CYP2C8: variants seen among roughly 807,000 people sequenced by gnomAD.
CYP2C8 encodes the protein cytochrome P450 family 2 subfamily C member 8.
In CYP2C8, 51 loss-of-function variants were observed where a neutral mutation model predicts 41.3. That is an observed-to-expected ratio of 1.24 (90% CI 0.99 to 1.56). CYP2C8 has a LOEUF of 1.56. CYP2C8 is among the 40% of genes most tolerant of loss of function. CYP2C8 has a pLI of 0.00. For missense variants in CYP2C8, 651 were observed against 579.9 expected (o/e 1.12, Z -1.26); for synonymous variants, 218 against 205.8 (o/e 1.06, Z -0.51).
At position 95,045,970 on chromosome 10, in the gene CYP2C8, A is replaced by G. The variant is rs780191052; in HGVS notation, c.820-19T>C. The G allele has an allele frequency of 1.2e-6, 2 of 1,613,596 alleles. No individual in the cohort carries two copies. Among genetic ancestry groups the G allele is most frequent in the Non-Finnish European group, 1.7e-6 (2 of 1,179,586 alleles). On this transcript the variant is annotated intron_variant, in intron 5 of 8. Transcript: ENST00000371270. ...CCTTTTCCTAGAAGTGATTTCATGC[A>G]ATTATCTGACAAATTATGTGCCAGT...
At chr10:95,054,598 A>G (rs1289970062) in intron 5 of CYP2C8, among the ~76,000 whole-genome samples, 1 of 152,152 alleles carries the variant, frequency 6.6e-6, no homozygotes, top group African/African-American at 2.4e-5. Flanking sequence ...GCATTTAGGT[A>G]AGAAAGGAAG....
chr10:95,043,879 C>CACAT (rs151042096), intron 6 of CYP2C8, among the ~76,000 whole-genome samples: 17 of 151,752 alleles, frequency 1.1e-4, no homozygotes, highest in African/African-American at 3.1e-4. Flanking sequence ...CACACACACA[C>CACAT]ACACACACAT....
chr10:95,056,089 T>C (rs1370151777), intron 5 of CYP2C8, among the ~76,000 whole-genome samples: 1 of 151,768 alleles, frequency 6.6e-6, no homozygotes, highest in African/African-American at 2.4e-5. Context: ...AGAGGCCTTG[T>C]CTCCAAAATA....
At chr10:95,063,029 C>A (rs1279132091) in intron 4 of CYP2C8, among the ~76,000 whole-genome samples, 1 of 152,160 alleles carries the variant, frequency 6.6e-6, no homozygotes, top group Non-Finnish European at 1.5e-5. Flanking sequence ...GATGGGCTTC[C>A]CTTTGTGGGT....
intron 4 of CYP2C8, among the ~76,000 whole-genome samples, chr10:95,064,413 T>C (rs2033513276): frequency 6.6e-6 from 1 of 152,200 alleles, no homozygotes; most frequent in South Asian, 2.1e-4. Context: ...TTCGTGGGCA[T>C]GGGACCCTCC....
intron 7 of CYP2C8, among the ~76,000 whole-genome samples, chr10:95,041,456 G>A (rs1054396264): frequency 1.3e-5 from 2 of 152,192 alleles, no homozygotes; most frequent in Non-Finnish European, 2.9e-5. Flanking sequence ...TTGTCTTTTA[G>A]AACAGCCAGA....
At chr10:95,068,559 G>A (rs527519359) in intron 1 of CYP2C8, 1 of 1,273,752 alleles carries the variant, frequency 7.9e-7, no homozygotes, top group South Asian at 1.2e-5. Flanking sequence ...CTATAGTAGA[G>A]AACTTATTGG....
intron 3 of CYP2C8, 131 bp from the exon 4 acceptor site, chr10:95,065,091 A>T (rs2033532196): frequency 1.3e-6 from 1 of 787,436 alleles, no homozygotes; most frequent in South Asian, 4.3e-5. Flanking sequence ...TCCAAAAAAA[A>T]TCAGCATGGA....
chr10:95,055,103 C>T (rs553074872), intron 5 of CYP2C8, among the ~76,000 whole-genome samples: 2 of 152,162 alleles, frequency 1.3e-5, no homozygotes, highest in South Asian at 4.1e-4. Flanking sequence ...TTCCAATGTC[C>T]TTTTTAAAAT....
chr10:95,055,638 G>C (rs1391965570), intron 5 of CYP2C8, among the ~76,000 whole-genome samples: 1 of 152,136 alleles, frequency 6.6e-6, no homozygotes, highest in Non-Finnish European at 1.5e-5. Flanking sequence ...AAATTAAAAT[G>C]TTTGTTCATC....
intron 5 of CYP2C8, among the ~76,000 whole-genome samples, chr10:95,056,716 A>G (rs1375795361): frequency 6.6e-6 from 1 of 152,216 alleles, no homozygotes; most frequent in Non-Finnish European, 1.5e-5. Flanking sequence ...ATAGTTGATT[A>G]ATGTTTACTA....
chr10:95,039,144 T>C, intron 7 of CYP2C8, 106 bp from the exon 8 acceptor site: 1 of 1,042,382 alleles, frequency 9.6e-7, no homozygotes, highest in Non-Finnish European at 1.5e-6. Flanking sequence ...ATGAGGAAAC[T>C]CAGGTCCAGC....
In CYP2C8 at chr10:95,036,952, A is replaced by G; in HGVS notation, c.*176T>C. 1.5e-6 allele frequency: 1 copy of G among 675,386 alleles called. No individual in the cohort carries two copies. 41.8% of individuals were successfully genotyped at this position (675,386 alleles called of 1,614,324 possible). On this transcript the variant is annotated 3_prime_UTR_variant, in exon 9 of 9. Transcript: ENST00000371270. ...TGTTACAGAGTATGAATAATTGCAGATATATTTGTGCAGTGACCTGAACAA... is the reference window on the plus strand; with the variant it reads ...TGTTACAGAGTATGAATAATTGCAGGTATATTTGTGCAGTGACCTGAACAA...
chr10:95,059,841 C>T (rs1422270916), intron 4 of CYP2C8, among the ~76,000 whole-genome samples: 1 of 152,172 alleles, frequency 6.6e-6, no homozygotes, highest in Non-Finnish European at 1.5e-5. Flanking sequence ...GGAAGGGATC[C>T]AGTTTCAGCT....
intron 3 of CYP2C8, among the ~76,000 whole-genome samples, chr10:95,066,153 AGTGTGTGTGTGT>A (rs113983526): frequency 0.016 from 1,376 of 88,182 alleles, 7 homozygotes; most frequent in Admixed American, 0.029. Context: ...AGAGAGAGAG[AGTGTGTGTGTGT>A]GTGTGTGTGT....
At chr10:95,060,592 G>A (rs908269853) in intron 4 of CYP2C8, among the ~76,000 whole-genome samples, 1 of 152,168 alleles carries the variant, frequency 6.6e-6, no homozygotes, top group Non-Finnish European at 1.5e-5. Context: ...TCTGCAAACA[G>A]GGACAATTTG....
intron 4 of CYP2C8, among the ~76,000 whole-genome samples, chr10:95,062,331 G>A (rs994400544): frequency 6.6e-6 from 1 of 152,084 alleles, no homozygotes; most frequent in African/African-American, 2.4e-5. Context: ...CTCCTGTATT[G>A]GGTGCATATA....
chr10:95,056,106 TA>T (rs1404856903), intron 5 of CYP2C8, among the ~76,000 whole-genome samples: 1 of 151,450 alleles, frequency 6.6e-6, no homozygotes, highest in East Asian at 1.9e-4. Flanking sequence ...AATAAATAAA[TA>T]AAATAAAATA....
chr10:95,061,499 A>G (rs1479425636), intron 4 of CYP2C8, among the ~76,000 whole-genome samples: 1 of 151,996 alleles, frequency 6.6e-6, no homozygotes, highest in Non-Finnish European at 1.5e-5. Context: ...CCCCTTTATC[A>G]TTTTTTATTG....
Sources: allele counts gnomAD v4.1 joint callset (sites outside exome capture counted in the v4.1 genomes callset), GRCh38; gene constraint gnomAD v4.1.1; transcripts MANE v1.5; gene names NCBI Gene and HGNC (gene_info 2026-07-23, HGNC 2026-07-21).